Variants in CHD1L observed in about 807,000 individuals in gnomAD.
CHD1L encodes the protein chromodomain helicase DNA binding protein 1 like.
Under a neutral mutation model 115.9 loss-of-function variants are expected in CHD1L, and 118 were observed. The ratio of observed to expected loss-of-function variants is 1.02; its 90% CI spans 0.88 to 1.19. The LOEUF is 1.19. Ranked by LOEUF, CHD1L falls within the 50% of genes most tolerant of loss-of-function variation. The pLI is 0.00. For synonymous variants in CHD1L, 411 were observed against 387.1 expected (o/e 1.06, Z -0.72); for missense variants, 1,179 against 1,065.3 (o/e 1.11, Z -1.49).
chr1:147,197,252 T>C, the CHD1L span, among the ~76,000 whole-genome samples: 1 of 152,186 alleles, frequency 6.6e-6, no homozygotes, highest in African/African-American at 2.4e-5. Context: ...TATTTCCTTG[T>C]CCTTTTAGTA....
At chr1:147,265,393 G>T (rs1199507929) in intron 7 of CHD1L, among the ~76,000 whole-genome samples, 2 of 152,084 alleles carry the variant, frequency 1.3e-5, no homozygotes, top group Admixed American at 6.5e-5. Context: ...AGTTTAACTG[G>T]GCATCTGTAT....
At chr1:147,195,987 T>C in the CHD1L span, among the ~76,000 whole-genome samples, 16 of 152,180 alleles carry the variant, frequency 1.1e-4, no homozygotes. Flanking sequence ...TTTGCACCAC[T>C]GGACCAAGCT....
At chr1:147,271,040 CT>C in intron 11 of CHD1L, 35 bp downstream of exon 11, 1 of 1,537,016 alleles carries the variant, frequency 6.5e-7, no homozygotes, top group Non-Finnish European at 9.0e-7. Flanking sequence ...ACCTAAGGCT[CT>C]GTTAGACTTA....
intron 11 of CHD1L, 57 bp downstream of exon 11, chr1:147,271,062 T>G: frequency 1.5e-6 from 2 of 1,371,332 alleles, no homozygotes; most frequent in South Asian, 1.2e-5. Flanking sequence ...ACAGTCCAGA[T>G]AGGTCCATGA....
rs587600511 is a variant in CHD1L at position 147,276,964 on chromosome 1, G to A, written c.1539+707G>A. On this transcript the variant is annotated intron_variant, in intron 14 of 22. Coordinates refer to ENST00000369258, the MANE Select transcript of CHD1L (RefSeq NM_004284.6). ...GAGTAATAAATGTCTGTCAAGGGCA[G>A]CATCAGTGGGAGAGTCTGGTGTGAG... Among the ~76,000 whole-genome samples, 17 of 152,322 alleles carry A rather than the reference G, an allele frequency of 1.1e-4. No individual in the cohort carries two copies. The South Asian group carries it at 3.1e-3, about 28-fold the overall frequency.
At chr1:147,279,208 G>C (rs782799315) in intron 14 of CHD1L, among the ~76,000 whole-genome samples, 1 of 152,116 alleles carries the variant, frequency 6.6e-6, no homozygotes, top group Non-Finnish European at 1.5e-5. Context: ...CAAAATAGAC[G>C]ATCTGGAGAT....
the CHD1L span, chr1:147,208,884 G>A: frequency 6.2e-7 from 1 of 1,613,960 alleles, no homozygotes; most frequent in Admixed American, 1.7e-5. Context: ...ACATTTCATG[G>A]TCAAACCTTT....
chr1:147,194,079 G>A, the CHD1L span, among the ~76,000 whole-genome samples: 3 of 152,026 alleles, frequency 2.0e-5, no homozygotes, highest in Non-Finnish European at 4.4e-5. Context: ...CTTCTGTCTC[G>A]TTGATCTGTC....
At position 147,268,775 on chromosome 1, in the gene CHD1L, T is replaced by C. The variant is rs782289359; in HGVS notation, c.989-7T>C. 7 of 1,612,106 alleles carry C rather than the reference T, an allele frequency of 4.3e-6. No homozygotes were observed. The East Asian group carries it at 1.6e-4, about 36-fold the overall frequency. On this transcript the variant is annotated splice_polypyrimidine_tract_variant and splice_region_variant and intron_variant, in intron 9 of 22. Transcript: ENST00000369258. ...ACATTACTGGGAGTGGGTTCTTTCT[T>C]TTCTAGGTGTGGAGCCGGAGCCTTT...
rs2102864018 is a variant in CHD1L, at chr1:147,282,633, G to A, written c.1706-1718G>A. ...TAACTGTCACTTTGTGGTTTCAAGT[G>A]AGAGAAGAAATAGATGCATGTGATC... On this transcript the variant is annotated intron_variant, in intron 15 of 22. Transcript: ENST00000369258. Among the ~76,000 whole-genome samples, 3 of 152,272 alleles carry A rather than the reference G, an allele frequency of 2.0e-5. No homozygotes were observed. In the Middle Eastern group the frequency reaches 0.01, roughly 518 times the overall value.
chr1:147,250,668 G>A (rs1271334082), intron 1 of CHD1L, among the ~76,000 whole-genome samples: 41 of 152,324 alleles, frequency 2.7e-4, no homozygotes, highest in Non-Finnish European at 2.1e-4. Context: ...GTAGGTAGAA[G>A]TCTATGCTTT....
the CHD1L span, among the ~76,000 whole-genome samples, chr1:147,195,584 C>G: frequency 6.6e-6 from 1 of 152,142 alleles, no homozygotes; most frequent in African/African-American, 2.4e-5. Flanking sequence ...GATGCACAAA[C>G]AGTTCCAGTT....
intron 2 of CHD1L, among the ~76,000 whole-genome samples, chr1:147,254,343 C>T (rs1187510291): frequency 9.6e-6 from 1 of 103,932 alleles, no homozygotes; most frequent in Non-Finnish European, 2.5e-5. Context: ...CAGTGCCTAG[C>T]AAATAGAAGA....
rs201349327 is a variant in CHD1L, at chr1:147,295,501, G to A, written c.2686G>A (p.Val896Met). Residue 896 changes from valine to methionine, a missense_variant, in exon 23 of 23, where the codon GTG (valine) becomes ATG (methionine). By Grantham distance (21) the Val-to-Met change is conservative. Transcript: ENST00000369258. ...TTCATCTTCCTCCTCAAGACAGCTG[G>A]TGCCTTAAGAATTGGCCCAGCCTCA... is the stretch of plus-strand genomic sequence containing the variant. ...QSSSSSSRQL[V>M]P is the part of the protein sequence containing the mutation. The A allele has an allele frequency of 4.4e-5, 70 of 1,608,968 alleles. No individual in the cohort carries two copies. The highest frequency in any genetic ancestry group is 2.2e-5 in the East Asian group (1 of 44,772).
chr1:147,181,919 G>A, the CHD1L span, among the ~76,000 whole-genome samples: 30 of 152,184 alleles, frequency 2.0e-4, no homozygotes, highest in Non-Finnish European at 3.7e-4. Flanking sequence ...TGAAAAGGTA[G>A]GAGAGAGTTT....
At chr1:147,232,980 C>A in the CHD1L span, among the ~76,000 whole-genome samples, 1 of 151,838 alleles carries the variant, frequency 6.6e-6, no homozygotes, top group Non-Finnish European at 1.5e-5. Context: ...ACATGAGGAG[C>A]CCCTCTGCCT....
At chr1:147,277,741 T>G (rs1434434011) in intron 14 of CHD1L, among the ~76,000 whole-genome samples, 1 of 151,926 alleles carries the variant, frequency 6.6e-6, no homozygotes, top group Non-Finnish European at 1.5e-5. Flanking sequence ...ACGCTGTAGA[T>G]ACCCTTAAAT....
the CHD1L span, among the ~76,000 whole-genome samples, chr1:147,231,819 T>G: frequency 6.6e-6 from 1 of 152,152 alleles, no homozygotes; most frequent in Non-Finnish European, 1.5e-5. Context: ...ATTTTCCAGG[T>G]GCTGTCTGTC....
At chr1:147,199,241 G>A in the CHD1L span, among the ~76,000 whole-genome samples, 1 of 152,018 alleles carries the variant, frequency 6.6e-6, no homozygotes, top group Non-Finnish European at 1.5e-5. Flanking sequence ...GAAAAAAATG[G>A]GAAAAACAAG....
Sources: allele counts gnomAD v4.1 joint callset (sites outside exome capture counted in the v4.1 genomes callset), GRCh38; gene constraint gnomAD v4.1.1; transcripts MANE v1.5; gene names NCBI Gene and HGNC (gene_info 2026-07-23, HGNC 2026-07-21).